The following DCAF5 variants were observed in gnomAD, a reference collection of about 807,000 sequenced individuals.
DCAF5 encodes the protein DDB1- and CUL4-associated factor 5.
Under a neutral mutation model 80.7 loss-of-function variants are expected in DCAF5, and 9 were observed. The ratio of observed to expected loss-of-function variants is 0.11; its 90% CI spans 0.07 to 0.19. DCAF5 has a LOEUF of 0.19. Ranked by LOEUF, DCAF5 falls within the 10% of genes least tolerant of loss-of-function variation. The probability of loss-of-function intolerance (pLI) is 1.00; values close to 1 mark genes in which losing one functional copy is unlikely to be tolerated. For missense variants in DCAF5, 842 were observed against 1,205.7 expected, an observed-to-expected ratio of 0.70 and a Z score of 4.47; for synonymous variants, 433 against 461.9, an observed-to-expected ratio of 0.94 and a Z score of 0.80.
At chr14:69,119,346 CA>C (rs1163367552) in intron 2 of DCAF5, 116 bp from the exon 3 acceptor site, 1 of 955,774 alleles carries the variant, frequency 1.0e-6, no homozygotes, top group African/African-American at 1.7e-5. Context: ...AATGCTAATA[CA>C]AATTAGAAGT....
At chr14:69,133,146 C>G (rs1350941454) in intron 1 of DCAF5, among the ~76,000 whole-genome samples, 1 of 152,096 alleles carries the variant, frequency 6.6e-6, no homozygotes, top group African/African-American at 2.4e-5. Context: ...TTTTAACAAC[C>G]CCACGAAGTA....
intron 8 of DCAF5, among the ~76,000 whole-genome samples, chr14:69,062,141 T>G (rs1168187742): frequency 2.0e-5 from 3 of 152,170 alleles, no homozygotes; most frequent in Admixed American, 2.0e-4. Flanking sequence ...GGCCTCAAAC[T>G]CTTAGGCTGA....
intron 7 of DCAF5, among the ~76,000 whole-genome samples, chr14:69,071,301 T>C (rs1002798299): frequency 6.6e-6 from 1 of 152,154 alleles, no homozygotes; most frequent in Middle Eastern, 3.4e-3. Context: ...TCTTTGGAGT[T>C]TGTATAGCAA....
chr14:69,082,494 A>G (rs1205826873), intron 6 of DCAF5, among the ~76,000 whole-genome samples: 1 of 152,172 alleles, frequency 6.6e-6, no homozygotes, highest in Non-Finnish European at 1.5e-5. Context: ...AAGGCAGCCA[A>G]TAACAGTCAA....
At chr14:69,065,419 T>C (rs540843155) in intron 7 of DCAF5, among the ~76,000 whole-genome samples, 52 of 152,254 alleles carry the variant, frequency 3.4e-4, no homozygotes, top group African/African-American at 1.1e-3. Context: ...TGGTAGCAAT[T>C]TTAACACAAG....
chr14:69,062,601 G>C (rs1594932012), intron 7 of DCAF5, 90 bp from the exon 8 acceptor site: 1 of 1,464,234 alleles, frequency 6.8e-7, no homozygotes. Context: ...CTCTGAATGG[G>C]AGCAAAGATT....
intron 6 of DCAF5, among the ~76,000 whole-genome samples, chr14:69,080,171 G>C (rs2039048168): frequency 6.6e-6 from 1 of 152,014 alleles, no homozygotes; most frequent in Admixed American, 6.6e-5. Flanking sequence ...TGAGTACAGA[G>C]ATACATTTAC....
rs1457822788 is a variant in DCAF5, at chr14:69,091,791, G to A, written c.762C>T (p.Arg254=). 6.2e-7 allele frequency: 1 copy of A among 1,614,184 alleles called. No individual in the cohort carries two copies. The highest frequency in any genetic ancestry group is 1.1e-5 in the South Asian group (1 of 91,084). ...GGATGTCATAGAGCACAGGGGGCAG[G>A]CGTCGCCTCAGGGCCAGGAGCTGGG... is the stretch of plus-strand genomic sequence containing the variant. ...NGTQLLALRR[R]LPPVLYDIHS... is the part of the protein sequence containing the mutation. Residue 254 remains arginine (R), a synonymous_variant, in exon 6 of 9, where the codon CGC becomes CGT. Transcript: ENST00000341516.
At chr14:69,065,681 C>T (rs2038411109) in intron 7 of DCAF5, among the ~76,000 whole-genome samples, 1 of 152,194 alleles carries the variant, frequency 6.6e-6, no homozygotes, top group Non-Finnish European at 1.5e-5. Context: ...TACGTACAAT[C>T]ATTTTTTGAG....
chr14:69,118,116 A>G lies in DCAF5; in HGVS notation c.535+23T>C. On this transcript the variant is annotated intron_variant, in intron 4 of 8. Transcript: ENST00000341516. This position sits in a 1 kb window ranked among gnomAD's most constrained non-coding sequence, Gnocchi z 4.0. ...ATCAAACTGTTCAACACAGTCCAAC[A>G]GTCATTTGCACAGTGAGCCTACCTC... 6.2e-7 allele frequency: 1 copy of G among 1,613,572 alleles called. No individual in the cohort carries two copies. Among genetic ancestry groups the G allele is most frequent in the Non-Finnish European group, 8.5e-7 (1 of 1,179,602 alleles).
intron 5 of DCAF5, among the ~76,000 whole-genome samples, chr14:69,092,740 A>G (rs1041644009): frequency 1.3e-5 from 2 of 152,194 alleles, no homozygotes; most frequent in African/African-American, 4.8e-5. Context: ...TAGCATGATA[A>G]TAAGTATTAA....
chr14:69,083,687 C>G (rs2039204816), intron 6 of DCAF5: 1 of 628,684 alleles, frequency 1.6e-6, no homozygotes, highest in Admixed American at 2.4e-5. Flanking sequence ...AATGGAGAAG[C>G]AGCAATGCAG....
chr14:69,122,134 GA>G (rs2040742108), intron 2 of DCAF5, 82 bp downstream of exon 2: 5 of 1,501,644 alleles, frequency 3.3e-6, no homozygotes, highest in Non-Finnish European at 1.8e-6. Flanking sequence ...AATACAGGAA[GA>G]AAAATAAGGA....
chr14:69,091,644 T>C lies in DCAF5; in HGVS notation c.879+30A>G, dbSNP rs200957480. 1.0e-4 allele frequency: 160 copies of C among 1,581,700 alleles called. 1 individual carries two copies. The Middle Eastern group carries it at 2.2e-3, about 21-fold the overall frequency. On this transcript the variant is annotated intron_variant, in intron 6 of 8. Transcript: ENST00000341516. Reference sequence around the variant, plus strand: ...GAACAATCAGAAAGAAAAGCATAAGTGTGAGATGCAGGAGGCAGACAGCAT... The same window carrying C: ...GAACAATCAGAAAGAAAAGCATAAGCGTGAGATGCAGGAGGCAGACAGCAT...
At chr14:69,070,679 G>T (rs1381110059) in intron 7 of DCAF5, among the ~76,000 whole-genome samples, 1 of 152,116 alleles carries the variant, frequency 6.6e-6, no homozygotes, top group African/African-American at 2.4e-5. Flanking sequence ...CATAAAAACA[G>T]ATGCCCTTCC....
At chr14:69,105,028 T>C (rs916383620) in intron 5 of DCAF5, among the ~76,000 whole-genome samples, 5 of 152,042 alleles carry the variant, frequency 3.3e-5, no homozygotes, top group African/African-American at 1.2e-4. Flanking sequence ...TGGAATAATA[T>C]TGTGGTTATG....
In DCAF5 at chr14:69,053,889, T is replaced by A; in HGVS notation, c.2797A>T (p.Asn933Tyr). Reference sequence around the variant, plus strand: ...TTTAATTTCTTCTCTGAGGAGGAATTCTCTGAATCTGTATCTTCCAATTCA... The same window carrying A: ...TTTAATTTCTTCTCTGAGGAGGAATACTCTGAATCTGTATCTTCCAATTCA... ...RIELEDTDSE[N>Y]SSSEKKLKT Residue 933 changes from asparagine to tyrosine, a missense_variant, in exon 9 of 9, where the codon AAT (asparagine) becomes TAT (tyrosine). By Grantham distance (143) the Asn-to-Tyr change is moderately radical (BLOSUM62 -2). This residue lies in a region of DCAF5 where 607 missense variants were observed against 656.6 expected (regional missense o/e 0.92). Coordinates refer to ENST00000341516, the MANE Select transcript of DCAF5 (RefSeq NM_003861.3). 1.2e-6 allele frequency: 2 copies of A among 1,609,540 alleles called. No individual in the cohort carries two copies. The highest frequency in any genetic ancestry group is 1.1e-5 in the South Asian group (1 of 89,882).
At chr14:69,136,559 T>C (rs1290722478) in intron 1 of DCAF5, among the ~76,000 whole-genome samples, 1 of 152,158 alleles carries the variant, frequency 6.6e-6, no homozygotes, top group African/African-American at 2.4e-5. Context: ...TTGGAAAATA[T>C]ACTGTTTTTA....
chr14:69,134,924 C>T (rs753082395), intron 1 of DCAF5, among the ~76,000 whole-genome samples: 3 of 152,300 alleles, frequency 2.0e-5, no homozygotes, highest in Non-Finnish European at 2.9e-5. Flanking sequence ...CACCCATTGA[C>T]TCAGAATTCC....
Sources: allele counts gnomAD v4.1 joint callset (sites outside exome capture counted in the v4.1 genomes callset), GRCh38; gene constraint gnomAD v4.1.1; regional missense constraint gnomAD v4.1.1; non-coding constraint Gnocchi (gnomAD v3.1); transcripts MANE v1.5; gene names NCBI Gene and HGNC (gene_info 2026-07-23, HGNC 2026-07-21).